BAZ2B: variants seen among roughly 807,000 people sequenced by gnomAD.
The protein encoded by BAZ2B is bromodomain adjacent to zinc finger domain 2B.
Under a neutral mutation model 246.0 loss-of-function variants are expected in BAZ2B, and 91 were observed. That is an observed-to-expected ratio of 0.37 (90% CI 0.31 to 0.44). The LOEUF (loss-of-function observed/expected upper bound fraction) is 0.44. BAZ2B is among the 20% of genes least tolerant of loss of function. The pLI is 1.00. For missense variants in BAZ2B, 2,332 were observed against 2,533.7 expected (o/e 0.92, Z 1.71); for synonymous variants, 855 against 860.0 (o/e 0.99, Z 0.10).
the BAZ2B span, among the ~76,000 whole-genome samples, chr2:159,669,985 T>C: frequency 6.6e-6 from 1 of 152,180 alleles, no homozygotes; most frequent in East Asian, 1.9e-4. Context: ...CTCTTTTTTT[T>C]CTTGAGATCG....
At chr2:159,391,111 A>G (rs1442270293) in intron 20 of BAZ2B, among the ~76,000 whole-genome samples, 1 of 152,146 alleles carries the variant, frequency 6.6e-6, no homozygotes, top group African/African-American at 2.4e-5. Context: ...AGAACTTTCC[A>G]AAGGAGGGAA....
At chr2:159,657,375 AC>A in the BAZ2B span, among the ~76,000 whole-genome samples, 1 of 152,140 alleles carries the variant, frequency 6.6e-6, no homozygotes, top group Admixed American at 6.6e-5. Flanking sequence ...CTGTAGCTTT[AC>A]AGTAAGCCAT....
chr2:159,610,512 A>G (rs918135696), intron 1 of BAZ2B, among the ~76,000 whole-genome samples: 15 of 152,208 alleles, frequency 9.9e-5, no homozygotes, highest in Non-Finnish European at 1.9e-4. Context: ...GAAAACAGGA[A>G]AAAACACCCA....
intron 5 of BAZ2B, 27 bp from the exon 6 acceptor site, chr2:159,447,002 T>G (rs772667820): frequency 8.9e-6 from 13 of 1,452,840 alleles, no homozygotes; most frequent in Non-Finnish European, 1.1e-5. Context: ...AACATGTTTA[T>G]ACAATGGAAT....
rs2065913993 is a variant in BAZ2B at position 159,337,790 on chromosome 2, A to G, written c.5455-18T>C. 6.2e-7 allele frequency: 1 copy of G among 1,603,676 alleles called. No homozygotes were observed. Among genetic ancestry groups the G allele is most frequent in the Non-Finnish European group, 8.5e-7 (1 of 1,172,566 alleles). ...ATCCAACCCTATATATCAAGAGAAT[A>G]GTGTTATTATGGTTTCCTCTTAAAA... is the stretch of plus-strand genomic sequence containing the variant. On this transcript the variant is annotated intron_variant, in intron 31 of 36. Coordinates refer to ENST00000392783, the MANE Select transcript of BAZ2B (RefSeq NM_013450.4).
intron 31 of BAZ2B, among the ~76,000 whole-genome samples, chr2:159,339,233 C>A (rs993457890): frequency 2.0e-5 from 3 of 152,076 alleles, no homozygotes; most frequent in Admixed American, 2.0e-4. Flanking sequence ...GCCAACCACT[C>A]AGAAAACCCA....
At chr2:159,457,595 T>C (rs2150539647) in intron 3 of BAZ2B, among the ~76,000 whole-genome samples, 1 of 152,334 alleles carries the variant, frequency 6.6e-6, no homozygotes, top group East Asian at 1.9e-4. Flanking sequence ...ACTGGCCCTT[T>C]ATTCCTCCTT....
At chr2:159,636,419 A>C in the BAZ2B span, among the ~76,000 whole-genome samples, 1 of 152,170 alleles carries the variant, frequency 6.6e-6, no homozygotes, top group South Asian at 2.1e-4. Context: ...ATGCCCTGTC[A>C]TAGTGGAGAA....
chr2:159,462,250 A>G (rs2076497460), intron 3 of BAZ2B: 1 of 577,410 alleles, frequency 1.7e-6, no homozygotes, highest in South Asian at 2.0e-5. Context: ...TATAGGTTCA[A>G]CAGTATTCCA....
At chr2:159,393,973 C>T (rs931137803) in intron 20 of BAZ2B, among the ~76,000 whole-genome samples, 1 of 152,098 alleles carries the variant, frequency 6.6e-6, no homozygotes, top group African/African-American at 2.4e-5. Flanking sequence ...TGGGCATTCC[C>T]CCTCTCAGAT....
upstream of BAZ2B, among the ~76,000 whole-genome samples, chr2:159,619,243 A>G (rs1181727421): frequency 6.6e-6 from 1 of 151,972 alleles, no homozygotes; most frequent in Non-Finnish European, 1.5e-5. Flanking sequence ...TATACAACCC[A>G]AAGTTGTCTT....
chr2:159,564,017 C>T (rs1161259974), intron 1 of BAZ2B, among the ~76,000 whole-genome samples: 2 of 152,268 alleles, frequency 1.3e-5, no homozygotes, highest in South Asian at 2.1e-4. Context: ...ACAAAGTCTC[C>T]GCTTCATAGA....
chr2:159,615,419 T>C (rs562574537), intron 1 of BAZ2B: 40 of 152,386 alleles, frequency 2.6e-4, no homozygotes, highest in African/African-American at 8.9e-4. Context: ...GCAATGCTCC[T>C]CAAACCTTCT....
intron 2 of BAZ2B, among the ~76,000 whole-genome samples, chr2:159,494,974 A>G (rs1161755149): frequency 6.6e-6 from 1 of 152,192 alleles, no homozygotes; most frequent in African/African-American, 2.4e-5. Context: ...GAGCTAAGTG[A>G]TAGTACCTGG....
chr2:159,362,431 G>A (rs1017083787), intron 27 of BAZ2B, among the ~76,000 whole-genome samples: 1 of 152,206 alleles, frequency 6.6e-6, no homozygotes, highest in Non-Finnish European at 1.5e-5. Context: ...AAGGTGTGGG[G>A]TACAGTGTTT....
At chr2:159,603,205 A>C (rs1692589921) in intron 1 of BAZ2B, among the ~76,000 whole-genome samples, 1 of 152,258 alleles carries the variant, frequency 6.6e-6, no homozygotes, top group African/African-American at 2.4e-5. Flanking sequence ...GTCTTTTAAA[A>C]TACTTAATGA....
chr2:159,475,722 T>A (rs1397442043), intron 3 of BAZ2B, among the ~76,000 whole-genome samples: 1 of 152,230 alleles, frequency 6.6e-6, no homozygotes, highest in East Asian at 1.9e-4. Flanking sequence ...GTTGTTGACC[T>A]TTGGATGGCG....
At chr2:159,710,614 C>T in the BAZ2B span, 2 of 152,144 alleles carry the variant, frequency 1.3e-5, no homozygotes, top group Non-Finnish European at 2.9e-5. Context: ...CACAACGAAC[C>T]ATTCTTAAAT....
rs2071462478 is a variant in BAZ2B, at chr2:159,433,145, T to C, written c.1512A>G (p.Glu504=). The C allele has an allele frequency of 6.2e-7, 1 of 1,614,078 alleles. No individual in the cohort carries two copies. Residue 504 remains glutamate, a synonymous_variant, in exon 9 of 37, where the codon GAA becomes GAG. Coordinates refer to ENST00000392783, the MANE Select transcript of BAZ2B (RefSeq NM_013450.4). ...TTTTGGTAGTAAGTGCTAGAGGAGC[T>C]TCTTGAATGACACTTTGAATAACTC... ...PNGVIQSVIQ[E]APLALTTKTK... is the part of the protein sequence containing the mutation.
Sources: allele counts gnomAD v4.1 joint callset (sites outside exome capture counted in the v4.1 genomes callset), GRCh38; gene constraint gnomAD v4.1.1; transcripts MANE v1.5; gene names NCBI Gene and HGNC (gene_info 2026-07-23, HGNC 2026-07-21).